Variants in LRPPRC observed in about 807,000 individuals in gnomAD.
The protein encoded by LRPPRC is leucine-rich PPR motif-containing protein, mitochondrial.
LRPPRC carries 120 observed loss-of-function variants against 180.3 expected under a neutral mutation model. The ratio of observed to expected loss-of-function variants is 0.67; its 90% CI spans 0.57 to 0.77. The LOEUF (loss-of-function observed/expected upper bound fraction) is 0.77. Among genes scored for constraint, LRPPRC ranks in the 30% least tolerant of loss-of-function variants. The pLI is 0.00. For synonymous variants in LRPPRC, 723 were observed against 600.0 expected, an observed-to-expected ratio of 1.21 and a Z score of -3.00; for missense variants, 2,012 against 1,657.2, an observed-to-expected ratio of 1.21 and a Z score of -3.72.
intron 17 of LRPPRC, 86 bp downstream of exon 17, chr2:43,948,326 T>C (rs1426502873): frequency 1.1e-6 from 1 of 941,036 alleles, no homozygotes; most frequent in African/African-American, 1.6e-5. Flanking sequence ...AGAAGTGGTC[T>C]GGTTGTACTT....
intron 1 of LRPPRC, 78 bp from the exon 2 acceptor site, chr2:43,982,512 T>A: frequency 9.4e-7 from 1 of 1,062,104 alleles, no homozygotes. Context: ...TAAACAAATT[T>A]TAAAATTAGT....
At chr2:43,974,793 A>C in intron 7 of LRPPRC, 35 bp from the exon 8 acceptor site, 1 of 1,602,208 alleles carries the variant, frequency 6.2e-7, no homozygotes, top group Non-Finnish European at 8.6e-7. Flanking sequence ...AGACAAAGTT[A>C]GAGTGTTTTT....
Position 43,896,673 on chromosome 2 carries a change from C to G in LRPPRC, c.3861G>C (p.Leu1287Phe). The change falls in exon 35 of 38, where the codon TTG becomes TTC. Residue 1287 changes from leucine (L) to phenylalanine (F), a missense_variant. Physicochemically the swap from Leu to Phe is conservative, Grantham distance 22. Coordinates refer to ENST00000260665, the MANE Select transcript of LRPPRC (RefSeq NM_133259.4). Reference protein sequence around the residue: ...CGAIAEQTPILLLFLLRNSRK... With the variant: ...CGAIAEQTPIFLLFLLRNSRK... Reference sequence around the variant, plus strand: ...TAGAATTCCTAAGGAGGAACAACAACAAAATCGGGGTTTGTTCAGCAATTG... The same window carrying G: ...TAGAATTCCTAAGGAGGAACAACAAGAAAATCGGGGTTTGTTCAGCAATTG... 1.2e-6 allele frequency: 2 copies of G among 1,612,728 alleles called. No individual in the cohort carries two copies. Among genetic ancestry groups the G allele is most frequent in the Admixed American group, 1.7e-5 (1 of 60,002 alleles).
rs1016496613 is a variant in LRPPRC, at chr2:43,939,089, G to A, written c.2505-4211C>T. 2.0e-5 allele frequency among the ~76,000 whole-genome samples: 3 copies of A among 148,640 alleles called. No homozygotes were observed. The Admixed American group carries it at 2.0e-4, about 10-fold the overall frequency. On this transcript the variant is annotated intron_variant, in intron 23 of 37. Transcript: ENST00000260665. ...AGATCGAGACCATCCTGGCTAACAT[G>A]GTGAAACCCCGTCTCCACTAAAAAT... is the stretch of plus-strand genomic sequence containing the variant.
At position 43,946,127 on chromosome 2, in the gene LRPPRC, G is replaced by A; in HGVS notation, c.2196C>T (p.Asn732=). ...CRHDKVEDAL[N]LKEEFDRLDS... ...AGGGTACTCACAATTCTTCTTTCAAGTTCAAGGCATCTTCTACTTTATCAT... is the reference window on the plus strand; with the variant it reads ...AGGGTACTCACAATTCTTCTTTCAAATTCAAGGCATCTTCTACTTTATCAT... The change falls in exon 21 of 38, where the codon AAC becomes AAT. Residue 732 remains asparagine (N), a synonymous_variant. Coordinates refer to ENST00000260665, the MANE Select transcript of LRPPRC (RefSeq NM_133259.4). 1 of 1,612,572 alleles carries A rather than the reference G, an allele frequency of 6.2e-7. No homozygotes were observed. The highest frequency in any genetic ancestry group is 8.5e-7 in the Non-Finnish European group (1 of 1,178,870).
At chr2:43,947,404 TGAAAA>T in intron 19 of LRPPRC, 34 bp from the exon 20 acceptor site, 1 of 1,116,236 alleles carries the variant, frequency 9.0e-7, no homozygotes, top group Non-Finnish European at 1.4e-6. Context: ...AAAAATTTCC[TGAAAA>T]AGGAAATATA....
intron 14 of LRPPRC, 33 bp from the exon 15 acceptor site, chr2:43,950,633 C>G (rs1249196815): frequency 1.3e-6 from 2 of 1,581,864 alleles, no homozygotes; most frequent in Non-Finnish European, 1.7e-6. Flanking sequence ...GAAAATAAAC[C>G]CAGGTTTATT....
chr2:43,899,748 C>T (rs1207261907), intron 32 of LRPPRC, 143 bp from the exon 33 acceptor site: 2 of 630,846 alleles, frequency 3.2e-6, no homozygotes, highest in East Asian at 2.8e-5. Flanking sequence ...ACCAAATAAA[C>T]ACTAGGCAAC....
chr2:43,996,114 G>C, upstream of LRPPRC: 3 of 585,168 alleles, frequency 5.1e-6, no homozygotes, highest in South Asian at 2.0e-5. Flanking sequence ...CTTCTCCGAG[G>C]ACAGAAGACC....
At chr2:43,910,002 C>T (rs1671200995) in intron 30 of LRPPRC, among the ~76,000 whole-genome samples, 1 of 152,128 alleles carries the variant, frequency 6.6e-6, no homozygotes, top group African/African-American at 2.4e-5. Context: ...TACACACACG[C>T]ATAACTGAAA....
At chr2:43,891,979 C>A (rs555503042) in intron 36 of LRPPRC, among the ~76,000 whole-genome samples, 12 of 152,236 alleles carry the variant, frequency 7.9e-5, no homozygotes, top group African/African-American at 2.9e-4. Context: ...TTTATTGGTC[C>A]GGATAGAAGA....
chr2:43,917,312 G>C (rs955253591), intron 29 of LRPPRC, among the ~76,000 whole-genome samples: 87 of 151,688 alleles, frequency 5.7e-4, no homozygotes, highest in African/African-American at 2.0e-3. Context: ...GCCTCCCAAA[G>C]TGCTGGGATT....
chr2:43,963,682 A>T lies in LRPPRC; in HGVS notation c.1394T>A (p.Met465Lys). The T allele has an allele frequency of 6.3e-7, 1 of 1,598,630 alleles. No homozygotes were observed. Among genetic ancestry groups the T allele is most frequent in the Non-Finnish European group, 8.6e-7 (1 of 1,166,198 alleles). Residue 465 changes from methionine (M) to lysine (K), a missense_variant, in exon 12 of 38, where the codon ATG becomes AAG. Transcript: ENST00000260665. ...VQGIIEILKGMQELGVHPDQE... is the reference protein window; with the variant it reads ...VQGIIEILKGKQELGVHPDQE... ...ATCAGGATGTACTCCCAATTCTTGC[A>T]TTCCTTTGAGGATTTCAATTATACC...
In LRPPRC at chr2:43,995,980, C is replaced by T. The variant is rs1162042995; in HGVS notation, c.-33G>A. 4 of 1,523,408 alleles carry T rather than the reference C, an allele frequency of 2.6e-6. No homozygotes were observed. Among genetic ancestry groups the T allele is most frequent in the South Asian group, 1.2e-5 (1 of 83,048 alleles). The allele number at this position is 1,523,408 out of a possible 1,614,324, so 94.4% of individuals were successfully genotyped here. On this transcript the variant is annotated 5_prime_UTR_variant, in exon 1 of 38. Transcript: ENST00000260665. Reference sequence around the variant, plus strand: ...ACGTCCCCGCAGCGGGAAGCACGCTCCGCCAGAAGGACAGGAGGAGCATGT... The same window carrying T: ...ACGTCCCCGCAGCGGGAAGCACGCTTCGCCAGAAGGACAGGAGGAGCATGT...
In LRPPRC at chr2:43,960,587, C is replaced by T. The variant is rs1247154680; in HGVS notation, c.1536G>A (p.Leu512=). The change falls in exon 13 of 38, where the codon TTG becomes TTA. Residue 512 remains leucine (L), a synonymous_variant. Coordinates refer to ENST00000260665, the MANE Select transcript of LRPPRC (RefSeq NM_133259.4). ...AGTTCCCATTTGCTGCTTCACTTCT[C>T]AATCCAGCTTGAGAAAACATATCAC... The part of the protein sequence containing the change: ...SDSDMFSQAG[L]RSEAANGNLD... The T allele has an allele frequency of 6.2e-7, 1 of 1,607,500 alleles. No homozygotes were observed. Among genetic ancestry groups the T allele is most frequent in the Non-Finnish European group, 8.5e-7 (1 of 1,175,260 alleles).
chr2:43,916,835 C>T, intron 29 of LRPPRC, among the ~76,000 whole-genome samples: 1 of 149,894 alleles, frequency 6.7e-6, no homozygotes, highest in East Asian at 2.0e-4. Flanking sequence ...GTCCCAGCTA[C>T]TTGGGAAACT....
intron 13 of LRPPRC, chr2:43,959,145 C>G: frequency 5.7e-6 from 4 of 702,228 alleles, no homozygotes; most frequent in Admixed American, 4.2e-5. Context: ...GAAAAGGCAG[C>G]TCTCATGGAT....
intron 23 of LRPPRC, among the ~76,000 whole-genome samples, chr2:43,938,270 G>T (rs182676091): frequency 8.6e-5 from 13 of 151,642 alleles, no homozygotes; most frequent in Middle Eastern, 3.5e-3. Flanking sequence ...CTAATAAAAA[G>T]TAAGCAATCA....
Position 43,918,113 on chromosome 2 carries a change from T to G in LRPPRC, c.3060A>C (p.Lys1020Asn). 1 of 1,613,772 alleles carries G rather than the reference T, an allele frequency of 6.2e-7. No homozygotes were observed. Among genetic ancestry groups the G allele is most frequent in the Non-Finnish European group, 8.5e-7 (1 of 1,179,734 alleles). ...DVPELWYEDEKHSLNSSSAST... is the reference protein window; with the variant it reads ...DVPELWYEDENHSLNSSSAST... ...AGGCTGACGAAGAATTCAGGGAATGTTTTTCATCTTCATACCACAACTTTA... is the reference window on the plus strand; with the variant it reads ...AGGCTGACGAAGAATTCAGGGAATGGTTTTCATCTTCATACCACAACTTTA... Residue 1020 changes from lysine (K) to asparagine (N), a missense_variant, in exon 29 of 38, where the codon AAA (lysine) becomes AAC (asparagine). Coordinates refer to ENST00000260665, the MANE Select transcript of LRPPRC (RefSeq NM_133259.4).
Sources: allele counts gnomAD v4.1 joint callset (sites outside exome capture counted in the v4.1 genomes callset), GRCh38; gene constraint gnomAD v4.1.1; transcripts MANE v1.5; gene names NCBI Gene and HGNC (gene_info 2026-07-23, HGNC 2026-07-21).